VANGL1: variants seen among roughly 807,000 people sequenced by gnomAD.
The protein encoded by VANGL1 is vang-like protein 1.
VANGL1 carries 18 observed loss-of-function variants against 48.4 expected under a neutral mutation model. That is an observed-to-expected ratio of 0.37 (90% CI 0.26 to 0.55). VANGL1 has a LOEUF of 0.55. VANGL1 is among the 20% of genes least tolerant of loss of function. VANGL1 has a pLI of 0.81. For missense variants in VANGL1, 667 were observed against 675.8 expected, an observed-to-expected ratio of 0.99 and a Z score of 0.14; for synonymous variants, 257 against 261.8, an observed-to-expected ratio of 0.98 and a Z score of 0.18.
intron 1 of VANGL1, 122 bp from the exon 2 acceptor site, chr1:115,651,155 C>A: frequency 2.1e-6 from 1 of 487,352 alleles, no homozygotes; most frequent in Non-Finnish European, 3.7e-6. Context: ...GTTGCTTCAC[C>A]CTCACTCGCT....
In VANGL1 at chr1:115,659,641, G is replaced by C. The variant is rs560859499; in HGVS notation, c.72G>C (p.Gly24=). ...GTGCTAGCTCATTGTTGTTTTTCAG[G>C]GAAAGAACTAGAGAGAGACACAAGT... ...SSHSKKSHRQ[G]ERTRERHKSP... Residue 24 remains glycine (G), a splice_region_variant and synonymous_variant, in exon 3 of 8, where the codon GGG becomes GGC. Coordinates refer to ENST00000355485, the MANE Select transcript of VANGL1 (RefSeq NM_138959.3). 1.9e-6 allele frequency: 3 copies of C among 1,613,906 alleles called. No individual in the cohort carries two copies. The East Asian group carries it at 6.7e-5, about 36-fold the overall frequency.
At chr1:115,650,332 A>G (rs1348594601) in intron 1 of VANGL1, among the ~76,000 whole-genome samples, 2 of 152,064 alleles carry the variant, frequency 1.3e-5, no homozygotes, top group Non-Finnish European at 2.9e-5. Context: ...AAGAGACAGA[A>G]CTTGTGGATC....
intron 4 of VANGL1, among the ~76,000 whole-genome samples, chr1:115,677,768 G>C (rs931965877): frequency 2.0e-5 from 3 of 152,104 alleles, no homozygotes; most frequent in Non-Finnish European, 4.4e-5. Flanking sequence ...TATACTTCAG[G>C]CTCCCCCTGA....
chr1:115,663,746 A>G lies in VANGL1; in HGVS notation c.290A>G (p.Lys97Arg). ...CAAGAGGACATTGCCAGGATCAGCA[A>G]GGACATGGAGGACAGCGTGGGGCTG... ...ISQEDIARIS[K>R]DMEDSVGLDC... The change falls in exon 4 of 8, where the codon AAG becomes AGG. Residue 97 changes from lysine to arginine, a missense_variant. By Grantham distance (26) the Lys-to-Arg change is conservative (BLOSUM62 2). Coordinates refer to ENST00000355485, the MANE Select transcript of VANGL1 (RefSeq NM_138959.3). The G allele has an allele frequency of 6.2e-7, 1 of 1,614,220 alleles. No individual in the cohort carries two copies. Among genetic ancestry groups the G allele is most frequent in the Non-Finnish European group, 8.5e-7 (1 of 1,180,034 alleles).
At chr1:115,683,913 A>G in intron 5 of VANGL1, 31 bp from the exon 6 acceptor site, 1 of 1,611,176 alleles carries the variant, frequency 6.2e-7, no homozygotes, top group Non-Finnish European at 8.5e-7. Flanking sequence ...CGTGGTATTA[A>G]CACTATTCTT....
chr1:115,650,236 C>T (rs939957950), intron 1 of VANGL1, among the ~76,000 whole-genome samples: 1 of 152,148 alleles, frequency 6.6e-6, no homozygotes, highest in Non-Finnish European at 1.5e-5. Flanking sequence ...ACTTATCTCA[C>T]TGGCTGTGTT....
At chr1:115,644,045 A>G (rs1401007543) in intron 1 of VANGL1, among the ~76,000 whole-genome samples, 13 of 152,196 alleles carry the variant, frequency 8.5e-5, no homozygotes. Flanking sequence ...TGTGAGTAGA[A>G]GTTGAAATTG....
chr1:115,656,947 T>C (rs1182460405), intron 2 of VANGL1, among the ~76,000 whole-genome samples: 8 of 151,748 alleles, frequency 5.3e-5, no homozygotes, highest in Non-Finnish European at 1.5e-5. Context: ...GCCGAGAGAG[T>C]GATAAATGTG....
chr1:115,694,737 ATTTG>A lies in VANGL1; in HGVS notation c.*3364_*3367del, dbSNP rs1431971852. ...TAAGTATCCCTAAGTGGGGATGCAT[ATTTG>A]TTTGTGCGTTTTTATTTCCATATAT... is the stretch of plus-strand genomic sequence containing the variant. On this transcript the variant is annotated 3_prime_UTR_variant, in exon 8 of 8. Transcript: ENST00000355485. The A allele has an allele frequency of 2.0e-5, 3 of 152,108 alleles. No homozygotes were observed. The highest frequency in any genetic ancestry group is 2.1e-4 in the South Asian group (1 of 4,820). The allele number at this position is 152,108 out of a possible 1,614,324, so 9.4% of individuals were successfully genotyped here. A position where few individuals can be genotyped will look rare whatever the true frequency, so the allele number is the denominator to read the frequency against.
intron 5 of VANGL1, 134 bp downstream of exon 5, chr1:115,682,631 CTCT>C (rs1352023554): frequency 7.2e-7 from 1 of 1,396,574 alleles, no homozygotes; most frequent in Non-Finnish European, 9.9e-7. Flanking sequence ...AGAACAATTT[CTCT>C]TTTTTATGTA....
At chr1:115,680,397 G>A (rs558602352) in intron 4 of VANGL1, among the ~76,000 whole-genome samples, 1 of 152,262 alleles carries the variant, frequency 6.6e-6, no homozygotes, top group African/African-American at 2.4e-5. Flanking sequence ...CATATTCCCA[G>A]GGCTTAGCAG....
At chr1:115,668,092 G>A (rs1316158738) in intron 4 of VANGL1, among the ~76,000 whole-genome samples, 2 of 152,194 alleles carry the variant, frequency 1.3e-5, no homozygotes. Flanking sequence ...GCAAACCGAG[G>A]CGTGGGAGAG....
At chr1:115,680,885 A>G (rs959784040) in intron 4 of VANGL1, among the ~76,000 whole-genome samples, 6 of 152,232 alleles carry the variant, frequency 3.9e-5, no homozygotes, top group African/African-American at 1.4e-4. Flanking sequence ...GGCTACTGCA[A>G]ATAATCCTTG....
intron 1 of VANGL1, among the ~76,000 whole-genome samples, chr1:115,644,837 G>A (rs899444568): frequency 2.6e-5 from 4 of 152,198 alleles, no homozygotes; most frequent in African/African-American, 9.7e-5. Context: ...ATTAATGACT[G>A]GAGCCAAGAG....
chr1:115,665,613 G>A (rs1407921122), intron 4 of VANGL1, among the ~76,000 whole-genome samples: 2 of 152,174 alleles, frequency 1.3e-5, no homozygotes, highest in East Asian at 3.9e-4. Context: ...CTACGAGAAC[G>A]GGATGATCTA....
At position 115,696,443 on chromosome 1, in the gene VANGL1, C is replaced by A. The variant is rs970788521; in HGVS notation, c.*5064C>A. 9.8e-5 allele frequency: 15 copies of A among 152,314 alleles called. No homozygotes were observed. Among genetic ancestry groups the A allele is most frequent in the African/African-American group, 3.6e-4 (15 of 41,576 alleles). The allele number at this position is 152,314 out of a possible 1,614,324, so 9.4% of individuals were successfully genotyped here. On this transcript the variant is annotated 3_prime_UTR_variant, in exon 8 of 8. Transcript: ENST00000355485. The stretch of plus-strand genomic sequence containing the variant: ...AAACAGGACTCAGAAAACCATTTTT[C>A]TCTGTTCCCATATGTAGTAAGTTTT...
chr1:115,680,019 G>A (rs376482934), intron 4 of VANGL1, among the ~76,000 whole-genome samples: 1 of 95,822 alleles, frequency 1.0e-5, no homozygotes, highest in Non-Finnish European at 2.1e-5. Context: ...GTGTGTGTGT[G>A]TGTATGTGAG....
rs564278255 is a variant in VANGL1 at position 115,694,302 on chromosome 1, G to C, written c.*2923G>C. ...TCATCACCTCCCTTCCCCCGCCTCTGTTCTTGCCTTTTGACATCTACATGG... is the reference window on the plus strand; with the variant it reads ...TCATCACCTCCCTTCCCCCGCCTCTCTTCTTGCCTTTTGACATCTACATGG... On this transcript the variant is annotated 3_prime_UTR_variant, in exon 8 of 8. Coordinates refer to ENST00000355485, the MANE Select transcript of VANGL1 (RefSeq NM_138959.3). The C allele has an allele frequency of 6.6e-6, 1 of 152,300 alleles. No homozygotes were observed. The highest frequency in any genetic ancestry group is 1.9e-4 in the East Asian group (1 of 5,186). The allele number at this position is 152,300 out of a possible 1,614,324, so 9.4% of individuals were successfully genotyped here. A position where few individuals can be genotyped will look rare whatever the true frequency, so the allele number is the denominator to read the frequency against.
At position 115,651,787 on chromosome 1, in the gene VANGL1, C is replaced by T. The variant is rs527838498; in HGVS notation, c.71+303C>T. 8.9e-4 allele frequency among the ~76,000 whole-genome samples: 134 copies of T among 150,432 alleles called. 2 individuals carry two copies. The highest frequency in any genetic ancestry group is 3.0e-3 in the African/African-American group (122 of 40,868). On this transcript the variant is annotated intron_variant, in intron 2 of 7. Transcript: ENST00000355485. ...TTTTTTTTTTTTTGAGACGGAGTCT[C>T]GTTCTGTCACCCAGGCTGGAATGCA...
Sources: gnomAD v4.1 joint callset for allele counts (sites outside exome capture counted in the v4.1 genomes callset) on GRCh38, gnomAD v4.1.1 for gene constraint, MANE v1.5 for transcripts, NCBI Gene and HGNC (gene_info 2026-07-23, HGNC 2026-07-21) for gene names.